The following CACHD1 variants were observed in gnomAD, a reference collection of about 807,000 sequenced individuals.
CACHD1 encodes the protein cache domain containing 1, also known as VWFA and cache domain-containing protein 1.
In CACHD1, 71 loss-of-function variants were observed where a neutral mutation model predicts 138.7. That is an observed-to-expected ratio of 0.51 (90% CI 0.42 to 0.62). The LOEUF is 0.62. Ranked by LOEUF, CACHD1 falls within the 20% of genes least tolerant of loss-of-function variation. CACHD1 has a pLI of 0.00. For missense variants in CACHD1, 1,389 were observed against 1,625.3 expected (o/e 0.85, Z 2.50); for synonymous variants, 578 against 591.5 (o/e 0.98, Z 0.33).
chr1:64,603,168 G>A (rs932880471), intron 4 of CACHD1, among the ~76,000 whole-genome samples: 2 of 131,288 alleles, frequency 1.5e-5, no homozygotes, highest in African/African-American at 2.8e-5. Flanking sequence ...GCAGTGCCGC[G>A]ATCTCGGCTC....
At chr1:64,533,750 T>C (rs113744352) in intron 1 of CACHD1, among the ~76,000 whole-genome samples, 161 of 28,624 alleles carry the variant, frequency 5.6e-3, no homozygotes, top group Non-Finnish European at 0.017. Flanking sequence ...TTCTCTCTCT[T>C]TTTTTTTTTT....
chr1:64,602,963 AG>A, intron 4 of CACHD1, 51 bp downstream of exon 4: 1 of 1,157,472 alleles, frequency 8.6e-7, no homozygotes, highest in Non-Finnish European at 1.3e-6. Flanking sequence ...ACTGCATTCA[AG>A]TTGAATAAAC....
In CACHD1 at chr1:64,632,745, T is replaced by A; in HGVS notation, c.789+2T>A. ...AGCGCCATCGATGAACATGACAAGG[T>A]GACCATGACCCTTGTGACCCCTATG... On this transcript the variant is annotated splice_donor_variant, in intron 6 of 26. Coordinates refer to ENST00000651257, the MANE Select transcript of CACHD1 (RefSeq NM_020925.4). LOFTEE classifies it high-confidence loss of function. The A allele has an allele frequency of 6.2e-7, 1 of 1,614,070 alleles. No individual in the cohort carries two copies. The highest frequency in any genetic ancestry group is 8.5e-7 in the Non-Finnish European group (1 of 1,179,966).
chr1:64,490,133 G>C (rs1383288381), intron 1 of CACHD1, among the ~76,000 whole-genome samples: 1 of 152,148 alleles, frequency 6.6e-6, no homozygotes, highest in Admixed American at 6.5e-5. Flanking sequence ...CCACCGATCA[G>C]GAATAACTAT....
chr1:64,481,679 T>C (rs964686673), intron 1 of CACHD1, among the ~76,000 whole-genome samples: 1 of 152,188 alleles, frequency 6.6e-6, no homozygotes, highest in African/African-American at 2.4e-5. Flanking sequence ...ATAAAGCAAT[T>C]TGGAATCACT....
At chr1:64,500,366 A>C (rs1324291092) in intron 1 of CACHD1, among the ~76,000 whole-genome samples, 2 of 152,170 alleles carry the variant, frequency 1.3e-5, no homozygotes, top group Non-Finnish European at 2.9e-5. Context: ...GCCTGTTGGG[A>C]ATGAAGTTTT....
At chr1:64,585,080 T>C (rs1647041551) in intron 3 of CACHD1, among the ~76,000 whole-genome samples, 1 of 152,200 alleles carries the variant, frequency 6.6e-6, no homozygotes, top group Non-Finnish European at 1.5e-5. Context: ...AAATTATAAA[T>C]ACTCTAAATT....
chr1:64,489,984 A>C (rs1646264979), intron 1 of CACHD1, among the ~76,000 whole-genome samples: 1 of 152,232 alleles, frequency 6.6e-6, no homozygotes, highest in Admixed American at 6.5e-5. Context: ...TACATACCCC[A>C]GTGGACCAAG....
chr1:64,644,249 G>A (rs1255542508), intron 8 of CACHD1, among the ~76,000 whole-genome samples: 1 of 152,232 alleles, frequency 6.6e-6, no homozygotes, highest in East Asian at 1.9e-4. Flanking sequence ...GGTAGGAAGG[G>A]TGGGAGAAAA....
At chr1:64,609,656 C>T (rs559197767) in intron 4 of CACHD1, among the ~76,000 whole-genome samples, 4 of 152,202 alleles carry the variant, frequency 2.6e-5, no homozygotes, top group African/African-American at 9.6e-5. Flanking sequence ...GGCATATATA[C>T]ATATATACAC....
intron 12 of CACHD1, among the ~76,000 whole-genome samples, chr1:64,656,396 T>A (rs1284516156): frequency 1.3e-5 from 2 of 152,190 alleles, no homozygotes; most frequent in Non-Finnish European, 2.9e-5. Context: ...ATTATTTAAT[T>A]TTCATATCAG....
At chr1:64,511,050 G>A (rs1343037485) in intron 1 of CACHD1, among the ~76,000 whole-genome samples, 1 of 152,120 alleles carries the variant, frequency 6.6e-6, no homozygotes, top group African/African-American at 2.4e-5. Context: ...CAGGTAAAAC[G>A]CCTTTTAGAT....
intron 16 of CACHD1, among the ~76,000 whole-genome samples, chr1:64,668,899 C>T (rs1453509220): frequency 6.6e-6 from 1 of 152,096 alleles, no homozygotes. Flanking sequence ...CAAATGATTA[C>T]TGATGATTTT....
At chr1:64,585,974 C>CT (rs1233195290) in intron 3 of CACHD1, among the ~76,000 whole-genome samples, 3 of 151,818 alleles carry the variant, frequency 2.0e-5, no homozygotes, top group Non-Finnish European at 2.9e-5. Context: ...AAATTCTCAG[C>CT]TAGCCACCTT....
intron 3 of CACHD1, among the ~76,000 whole-genome samples, chr1:64,589,729 C>T (rs931526772): frequency 2.0e-5 from 3 of 152,098 alleles, no homozygotes; most frequent in South Asian, 4.1e-4. Flanking sequence ...ATCAACTTTA[C>T]TCATCACCTA....
At chr1:64,559,880 T>C (rs546327196) in intron 2 of CACHD1, among the ~76,000 whole-genome samples, 135 of 152,304 alleles carry the variant, frequency 8.9e-4, no homozygotes, top group African/African-American at 3.0e-3. Context: ...TTTGTTTTTG[T>C]TTCCTTGTTT....
intron 8 of CACHD1, among the ~76,000 whole-genome samples, chr1:64,643,298 G>T (rs933462335): frequency 2.0e-5 from 3 of 152,032 alleles, no homozygotes. Context: ...TTTGGCCAGG[G>T]TGATTCTCTT....
intron 1 of CACHD1, among the ~76,000 whole-genome samples, chr1:64,529,277 G>A (rs1052420181): frequency 1.3e-5 from 2 of 152,002 alleles, no homozygotes; most frequent in African/African-American, 4.8e-5. Context: ...GAAAAATATT[G>A]CTTATTTCTC....
chr1:64,675,816 A>G (rs898215662), intron 20 of CACHD1, 81 bp from the exon 21 acceptor site: 1 of 923,142 alleles, frequency 1.1e-6, no homozygotes, highest in Non-Finnish European at 1.6e-6. Flanking sequence ...TCAGAGCTTC[A>G]TTATTTTGCT....
Sources: gnomAD v4.1 joint callset for allele counts (sites outside exome capture counted in the v4.1 genomes callset) on GRCh38, gnomAD v4.1.1 for gene constraint, MANE v1.5 for transcripts, NCBI Gene and HGNC (gene_info 2026-07-23, HGNC 2026-07-21) for gene names.